The following EMID1 variants were observed in gnomAD, a reference collection of about 807,000 sequenced individuals.
The protein encoded by EMID1 is EMI domain-containing protein 1.
In EMID1, 40 loss-of-function variants were observed where a neutral mutation model predicts 60.6. The observed-to-expected ratio is 0.66, with a 90% CI of 0.51 to 0.86. The LOEUF is 0.86. EMID1 is among the 40% of genes least tolerant of loss of function. EMID1 has a pLI of 0.00. For synonymous variants in EMID1, 242 were observed against 231.0 expected (o/e 1.05, Z -0.43); for missense variants, 585 against 597.1 (o/e 0.98, Z 0.21).
intron 13 of EMID1, among the ~76,000 whole-genome samples, chr22:29,253,496 C>T (rs578200528): frequency 2.0e-5 from 3 of 152,140 alleles, no homozygotes; most frequent in African/African-American, 4.8e-5. Flanking sequence ...GCAGGAGAAT[C>T]GCTTGAACCT....
At chr22:29,253,861 A>G (rs2041609391) in intron 13 of EMID1, 1 of 976,464 alleles carries the variant, frequency 1.0e-6, no homozygotes, top group Non-Finnish European at 1.2e-6. Context: ...ACATTAGAGG[A>G]CAGGAGGGCT....
At chr22:29,224,298 G>A (rs77989927) in intron 3 of EMID1, among the ~76,000 whole-genome samples, 256 of 152,328 alleles carry the variant, frequency 1.7e-3, no homozygotes, top group Middle Eastern at 3.4e-3. Flanking sequence ...ACAACATTTC[G>A]TGGCCTTAAA....
At chr22:29,251,101 T>G (rs1340852499) in intron 13 of EMID1, among the ~76,000 whole-genome samples, 1 of 150,456 alleles carries the variant, frequency 6.6e-6, no homozygotes, top group Non-Finnish European at 1.5e-5. Context: ...AATTTTTTCT[T>G]TTTTTGAGAC....
intron 12 of EMID1, among the ~76,000 whole-genome samples, chr22:29,243,203 C>T (rs2281157): frequency 0.58 from 88,820 of 151,904 alleles, 26,129 homozygotes; most frequent in Middle Eastern, 0.65. Flanking sequence ...GCTGTAAATA[C>T]ATGGATTTTA....
intron 12 of EMID1, among the ~76,000 whole-genome samples, chr22:29,236,163 G>T (rs949726953): frequency 2.0e-5 from 3 of 152,144 alleles, no homozygotes; most frequent in Non-Finnish European, 4.4e-5. Context: ...GGAGGCCAAG[G>T]CAGGAGGATC....
At chr22:29,243,318 A>G (rs1161040521) in intron 12 of EMID1, 127 bp from the exon 13 acceptor site, 1 of 946,402 alleles carries the variant, frequency 1.1e-6, no homozygotes, top group Non-Finnish European at 1.6e-6. Flanking sequence ...TTTGTATCCA[A>G]TACAAGCTAC....
chr22:29,259,080 A>T lies in EMID1; in HGVS notation c.*136A>T. ...CTTCTGCCATCTAGGCCTTAGGGGT[A>T]AGCAGGTCTCAGTCCTGGCACCATG... On this transcript the variant is annotated 3_prime_UTR_variant, in exon 15 of 15. Coordinates refer to ENST00000334018, the MANE Select transcript of EMID1 (RefSeq NM_133455.4). 7.4e-7 allele frequency: 1 copy of T among 1,356,776 alleles called. No individual in the cohort carries two copies. Among genetic ancestry groups the T allele is most frequent in the South Asian group, 1.4e-5 (1 of 73,110 alleles). 84.0% of individuals were successfully genotyped at this position (1,356,776 alleles called of 1,614,324 possible).
intron 12 of EMID1, among the ~76,000 whole-genome samples, chr22:29,242,502 T>G (rs1393127954): frequency 6.6e-6 from 1 of 152,238 alleles, no homozygotes; most frequent in Non-Finnish European, 1.5e-5. Context: ...ATAGGTCGGC[T>G]GTGGATCTAT....
rs1215363697 is a variant in EMID1, at chr22:29,233,173, G to A, written c.824-206G>A. 1.1e-4 allele frequency: 67 copies of A among 623,406 alleles called. No individual in the cohort carries two copies. In the East Asian group the frequency reaches 1.7e-3, roughly 16 times the overall value. 38.6% of individuals were successfully genotyped at this position (623,406 alleles called of 1,614,324 possible). ...GATGTCACCAGCTGGATTGCAGTGGGGTTAGAACCCACATCTCCCTGCCTC... is the reference window on the plus strand; with the variant it reads ...GATGTCACCAGCTGGATTGCAGTGGAGTTAGAACCCACATCTCCCTGCCTC... On this transcript the variant is annotated intron_variant, in intron 8 of 14. Transcript: ENST00000334018.
chr22:29,210,574 C>G (rs1025457645), intron 1 of EMID1, among the ~76,000 whole-genome samples: 2 of 152,044 alleles, frequency 1.3e-5, no homozygotes, highest in Non-Finnish European at 2.9e-5. Context: ...ACTCTATTGC[C>G]CAGGCTGTAG....
At chr22:29,234,605 A>T (rs2040876096) in intron 12 of EMID1, among the ~76,000 whole-genome samples, 1 of 152,008 alleles carries the variant, frequency 6.6e-6, no homozygotes, top group South Asian at 2.1e-4. Context: ...TATTTCATTT[A>T]CACTCTATCT....
intron 14 of EMID1, among the ~76,000 whole-genome samples, chr22:29,257,211 G>A (rs1469406546): frequency 6.6e-6 from 1 of 152,184 alleles, no homozygotes; most frequent in Admixed American, 6.5e-5. Flanking sequence ...CAGGTCGGGG[G>A]ACTGGGAAAT....
chr22:29,257,544 T>A (rs183571844), intron 14 of EMID1, among the ~76,000 whole-genome samples: 2 of 152,236 alleles, frequency 1.3e-5, no homozygotes, highest in East Asian at 3.9e-4. Context: ...TCCTGGCCCT[T>A]TGGACTGCAT....
intron 12 of EMID1, among the ~76,000 whole-genome samples, chr22:29,238,312 G>T (rs1201633166): frequency 7.4e-6 from 1 of 134,490 alleles, no homozygotes; most frequent in Admixed American, 7.4e-5. Context: ...TAGAGATAAG[G>T]TCATACTCTG....
At chr22:29,216,539 A>C in intron 3 of EMID1, 1 of 985,486 alleles carries the variant, frequency 1.0e-6, no homozygotes, top group Non-Finnish European at 1.2e-6. Flanking sequence ...CGTGAACATC[A>C]GTCTCAGGAT....
intron 4 of EMID1, among the ~76,000 whole-genome samples, chr22:29,225,450 C>T (rs546495861): frequency 1.3e-5 from 2 of 152,246 alleles, no homozygotes; most frequent in South Asian, 2.1e-4. Flanking sequence ...CCCATGACCC[C>T]TGGACTCTTG....
In EMID1 at chr22:29,215,942, A is replaced by G. The variant is rs571502619; in HGVS notation, c.319+312A>G. Reference sequence around the variant, plus strand: ...GGAAAACCCATCCAGACATTTCTGTATGACACGATAACAGACATTACAGAG... The same window carrying G: ...GGAAAACCCATCCAGACATTTCTGTGTGACACGATAACAGACATTACAGAG... On this transcript the variant is annotated intron_variant, in intron 3 of 14. Transcript: ENST00000334018. Among the ~76,000 whole-genome samples, 65 of 152,350 alleles carry G rather than the reference A, an allele frequency of 4.3e-4. 1 individual carries two copies. Among genetic ancestry groups the G allele is most frequent in the African/African-American group, 1.5e-3 (62 of 41,576 alleles).
chr22:29,251,413 A>G (rs2041524288), intron 13 of EMID1, among the ~76,000 whole-genome samples: 1 of 145,086 alleles, frequency 6.9e-6, no homozygotes, highest in South Asian at 2.2e-4. Context: ...ATGGGGTCTC[A>G]CTATGTTGCC....
At chr22:29,255,321 G>A in intron 14 of EMID1, 3 of 1,524,776 alleles carry the variant, frequency 2.0e-6, no homozygotes, top group Non-Finnish European at 2.7e-6. Flanking sequence ...TGGAGCTCCT[G>A]GCCAGACGGG....
Sources: gnomAD v4.1 joint callset for allele counts (sites outside exome capture counted in the v4.1 genomes callset) on GRCh38, gnomAD v4.1.1 for gene constraint, MANE v1.5 for transcripts, NCBI Gene and HGNC (gene_info 2026-07-23, HGNC 2026-07-21) for gene names.